IRF4: variants seen among roughly 807,000 people sequenced by gnomAD.
The protein encoded by IRF4 is interferon regulatory factor 4.
IRF4 carries 13 observed loss-of-function variants against 55.5 expected under a neutral mutation model. That is an observed-to-expected ratio of 0.23 (90% CI 0.15 to 0.37). The LOEUF is 0.37. IRF4 is among the 10% of genes least tolerant of loss of function. IRF4 has a pLI of 1.00. For synonymous variants in IRF4, 249 were observed against 240.7 expected (o/e 1.03, Z -0.32); for missense variants, 397 against 593.8 (o/e 0.67, Z 3.44).
Position 406,490 on chromosome 6 carries a change from C to T in IRF4, c.1213-965C>T, listed in dbSNP as rs568352276. On this transcript the variant is annotated intron_variant, in intron 8 of 8. Coordinates refer to ENST00000380956, the MANE Select transcript of IRF4 (RefSeq NM_002460.4). ...CCAGGAGTCAGAGCTTGCAGTGAGCCGAGATTGCACCACTGCACTCCAGCC... is the reference window on the plus strand; with the variant it reads ...CCAGGAGTCAGAGCTTGCAGTGAGCTGAGATTGCACCACTGCACTCCAGCC... Among the ~76,000 whole-genome samples, 7 of 151,810 alleles carry T rather than the reference C, an allele frequency of 4.6e-5. 3 individuals are homozygous for T. Among genetic ancestry groups the T allele is most frequent in the African/African-American group, 1.7e-4 (7 of 41,380 alleles).
At chr6:394,565 G>A (rs1472026299) in intron 2 of IRF4, among the ~76,000 whole-genome samples, 1 of 152,192 alleles carries the variant, frequency 6.6e-6, no homozygotes, top group Non-Finnish European at 1.5e-5. Context: ...AACATAGTGA[G>A]ACCCTGCCTC....
rs987197965 is a variant in IRF4, at chr6:410,865, G to A, written c.*3267G>A. 37 of 232,344 alleles carry A rather than the reference G, an allele frequency of 1.6e-4. No individual in the cohort carries two copies. Among genetic ancestry groups the A allele is most frequent in the African/African-American group, 3.5e-4 (16 of 45,288 alleles). The allele number at this position is 232,344 out of a possible 1,614,324, so 14.4% of individuals were successfully genotyped here. On this transcript the variant is annotated 3_prime_UTR_variant, in exon 9 of 9. Coordinates refer to ENST00000380956, the MANE Select transcript of IRF4 (RefSeq NM_002460.4). ...CCAGCTGCATCTGTCTGAATGGTGC[G>A]TGAAGGCTCTCAGACCTTACACACC...
rs767260136 is a variant in IRF4 at position 393,396 on chromosome 6, C to T, written c.216+28C>T. On this transcript the variant is annotated intron_variant, in intron 2 of 8. Coordinates refer to ENST00000380956, the MANE Select transcript of IRF4 (RefSeq NM_002460.4). The surrounding 1 kb of genome is among the most constrained non-coding windows in gnomAD (Gnocchi z 5.4). ...CTCCGGCCTCGGGAGCCGGCGGGGG[C>T]GCGCCGGGGAGGGCCCAGAGACAGA... 1.3e-5 allele frequency: 19 copies of T among 1,468,230 alleles called. No homozygotes were observed. The highest frequency in any genetic ancestry group is 1.6e-5 in the Non-Finnish European group (18 of 1,091,332). The allele number at this position is 1,468,230 out of a possible 1,614,324, so 91.0% of individuals were successfully genotyped here. A position where few individuals can be genotyped will look rare whatever the true frequency, so the allele number is the denominator to read the frequency against.
chr6:406,921 A>T (rs539027548), intron 8 of IRF4: 2 of 1,041,202 alleles, frequency 1.9e-6, no homozygotes, highest in East Asian at 2.0e-4. Flanking sequence ...CCACGCTAAT[A>T]ACCAGACAGT....
At chr6:398,708 TG>T in intron 5 of IRF4, 119 bp from the exon 6 acceptor site, 1 of 623,776 alleles carries the variant, frequency 1.6e-6, no homozygotes, top group Non-Finnish European at 2.8e-6. Context: ...TGGGAGTGGG[TG>T]GGAAGGTGAT....
At chr6:395,245 G>GGGC (rs1235338373) in intron 3 of IRF4, among the ~76,000 whole-genome samples, 2 of 150,984 alleles carry the variant, frequency 1.3e-5, no homozygotes, top group African/African-American at 4.9e-5. Flanking sequence ...ATATGGGGGG[G>GGGC]GGTGCATTGA....
In IRF4 at chr6:405,048, C is replaced by G. The variant is rs1761509322; in HGVS notation, c.1130C>G (p.Ser377Cys). 6.2e-7 allele frequency: 1 copy of G among 1,614,030 alleles called. No individual in the cohort carries two copies. Among genetic ancestry groups the G allele is most frequent in the Non-Finnish European group, 8.5e-7 (1 of 1,179,898 alleles). ...CAAGCGTTTGCTCACCACGGCCGCT[C>G]CCTGCCAAGATTCCAGGTGACTCTA... is the stretch of plus-strand genomic sequence containing the variant. ...ELQAFAHHGR[S>C]LPRFQVTLCF... Residue 377 changes from serine to cysteine, a missense_variant, in exon 8 of 9, where the codon TCC (serine) becomes TGC (cysteine). Coordinates refer to ENST00000380956, the MANE Select transcript of IRF4 (RefSeq NM_002460.4).
chr6:398,168 C>G (rs1471624038), intron 5 of IRF4, among the ~76,000 whole-genome samples: 1 of 152,166 alleles, frequency 6.6e-6, no homozygotes, highest in Non-Finnish European at 1.5e-5. Flanking sequence ...AAACTAGCTC[C>G]TGAAATTCAG....
chr6:407,076 T>C (rs757054220), intron 8 of IRF4, among the ~76,000 whole-genome samples: 8 of 152,264 alleles, frequency 5.3e-5, no homozygotes, highest in Non-Finnish European at 1.2e-4. Flanking sequence ...TCCTTGTTTC[T>C]TTCAAACTGC....
chr6:401,528 G>A lies in IRF4; in HGVS notation c.850G>A (p.Ala284Thr), dbSNP rs767774669. 2.6e-5 allele frequency: 42 copies of A among 1,613,924 alleles called. No individual in the cohort carries two copies. The highest frequency in any genetic ancestry group is 1.6e-4 in the Middle Eastern group (1 of 6,082). ...CRISHGHTYDASNLDQVLFPY... is the reference protein window; with the variant it reads ...CRISHGHTYDTSNLDQVLFPY... ...GATCTCCCATGGACATACGTATGAC[G>A]CCAGCAACCTGGACCAGGTCCTGTT... Residue 284 changes from alanine (A) to threonine (T), a missense_variant, in exon 7 of 9, where the codon GCC (alanine) becomes ACC (threonine). By Grantham distance (58) the Ala-to-Thr change is moderately conservative (BLOSUM62 0). Around this residue, in one of 3 missense-constraint regions of IRF4, gnomAD observed 341 missense variants for 548.1 expected, o/e 0.62. Transcript: ENST00000380956.
rs541681646 is a variant in IRF4 at position 401,313 on chromosome 6, G to A, written c.746-111G>A. 1.6e-5 allele frequency: 13 copies of A among 791,990 alleles called. No homozygotes were observed. In the South Asian group the frequency reaches 2.2e-4, roughly 14 times the overall value. 49.1% of individuals were successfully genotyped at this position (791,990 alleles called of 1,614,324 possible). On this transcript the variant is annotated intron_variant, in intron 6 of 8. Transcript: ENST00000380956. ...CGCGGGAACCTTTTGTTCCCCCACG[G>A]GACATGTGGGACACTAGAGTTCCAC...
intron 6 of IRF4, among the ~76,000 whole-genome samples, chr6:400,008 C>A (rs1450780231): frequency 6.6e-6 from 1 of 152,096 alleles, no homozygotes; most frequent in Non-Finnish European, 1.5e-5. Flanking sequence ...TCTCGGCAAC[C>A]TCGTGATTTC....
In IRF4 at chr6:407,409, G is replaced by A. The variant is rs780600992; in HGVS notation, c.1213-46G>A. On this transcript the variant is annotated intron_variant, in intron 8 of 8. Coordinates refer to ENST00000380956, the MANE Select transcript of IRF4 (RefSeq NM_002460.4). ...CTGAGTGCTGTTTAATAGTGAGCCAGTTGCAGGATATCTCAGTAATGTCTT... is the reference window on the plus strand; with the variant it reads ...CTGAGTGCTGTTTAATAGTGAGCCAATTGCAGGATATCTCAGTAATGTCTT... The A allele has an allele frequency of 4.5e-6, 7 of 1,563,356 alleles. No individual in the cohort carries two copies. In the East Asian group the frequency reaches 9.0e-5, roughly 20 times the overall value.
At chr6:403,033 C>T (rs1581229015) in intron 7 of IRF4, among the ~76,000 whole-genome samples, 1 of 152,188 alleles carries the variant, frequency 6.6e-6, no homozygotes, top group Non-Finnish European at 1.5e-5. Flanking sequence ...GACTCCATTG[C>T]CCCCCGCACC....
chr6:407,000 T>C, intron 8 of IRF4: 1 of 666,424 alleles, frequency 1.5e-6, no homozygotes, highest in Non-Finnish European at 1.9e-6. Flanking sequence ...ACTTTACTTT[T>C]TATTTCTTTT....
chr6:393,141 G>T lies in IRF4; in HGVS notation c.-12G>T, dbSNP rs776721867. 1.3e-6 allele frequency: 2 copies of T among 1,546,930 alleles called. No individual in the cohort carries two copies. The highest frequency in any genetic ancestry group is 1.7e-6 in the Non-Finnish European group (2 of 1,144,928). On this transcript the variant is annotated 5_prime_UTR_variant, in exon 2 of 9. Coordinates refer to ENST00000380956, the MANE Select transcript of IRF4 (RefSeq NM_002460.4). The surrounding 1 kb of genome is among the most constrained non-coding windows in gnomAD (Gnocchi z 5.4). Reference sequence around the variant, plus strand: ...GAGGACCCCGGGCGCGGGCGCGGACGGCACGCGGGGCATGAACCTGGAGGG... The same window carrying T: ...GAGGACCCCGGGCGCGGGCGCGGACTGCACGCGGGGCATGAACCTGGAGGG...
In IRF4 at chr6:391,791, G is replaced by T; in HGVS notation, c.-74G>T. ...ATCTTGGGACCCACCGCTGCCCTCA[G>T]CTCCGAGTCCAGGGCGAGGTAAGGG... On this transcript the variant is annotated 5_prime_UTR_variant, in exon 1 of 9. Transcript: ENST00000380956. 2.2e-6 allele frequency: 1 copy of T among 455,376 alleles called. No individual in the cohort carries two copies. Among genetic ancestry groups the T allele is most frequent in the Non-Finnish European group, 4.4e-6 (1 of 226,742 alleles). The allele number at this position is 455,376 out of a possible 1,614,324, so 28.2% of individuals were successfully genotyped here. A position where few individuals can be genotyped will look rare whatever the true frequency, so the allele number is the denominator to read the frequency against.
chr6:404,007 C>A (rs1761476552), intron 7 of IRF4, among the ~76,000 whole-genome samples: 1 of 151,936 alleles, frequency 6.6e-6, no homozygotes, highest in Non-Finnish European at 1.5e-5. Flanking sequence ...TAGCTAGAAA[C>A]TTCTGTTCAG....
intron 7 of IRF4, among the ~76,000 whole-genome samples, chr6:403,572 C>T (rs573190932): frequency 3.9e-5 from 6 of 152,298 alleles, no homozygotes; most frequent in East Asian, 1.9e-4. Context: ...AGGGGGTGGA[C>T]GCCTGTGAGT....
Sources: allele counts gnomAD v4.1 joint callset (sites outside exome capture counted in the v4.1 genomes callset), GRCh38; gene constraint gnomAD v4.1.1; regional missense constraint gnomAD v4.1.1; non-coding constraint Gnocchi (gnomAD v3.1); transcripts MANE v1.5; gene names NCBI Gene and HGNC (gene_info 2026-07-23, HGNC 2026-07-21).